MSH3: variants seen among roughly 807,000 people sequenced by gnomAD.
MSH3 encodes the protein DNA mismatch repair protein Msh3.
MSH3 carries 106 observed loss-of-function variants against 123.3 expected under a neutral mutation model. The observed-to-expected ratio is 0.86, with a 90% CI of 0.73 to 1.01. The LOEUF is 1.01. Among genes scored for constraint, MSH3 ranks in the 50% least tolerant of loss-of-function variants. The pLI, the probability that MSH3 is intolerant of heterozygous loss-of-function variation, is 0.00. For synonymous variants in MSH3, 515 were observed against 481.4 expected (o/e 1.07, Z -0.91); for missense variants, 1,459 against 1,347.6 (o/e 1.08, Z -1.29).
chr5:80,660,972 T>C (rs914802512), intron 2 of MSH3, among the ~76,000 whole-genome samples: 4 of 152,128 alleles, frequency 2.6e-5, no homozygotes, highest in African/African-American at 9.7e-5. Context: ...TTAATTTTTG[T>C]ATTTTTAATA....
At chr5:80,661,169 G>T (rs1351723399) in intron 2 of MSH3, among the ~76,000 whole-genome samples, 1 of 151,998 alleles carries the variant, frequency 6.6e-6, no homozygotes, top group Non-Finnish European at 1.5e-5. Context: ...AAAGCTTCTC[G>T]AGTCTGTGGG....
chr5:80,747,889 A>C (rs1479896030), intron 12 of MSH3, among the ~76,000 whole-genome samples: 1 of 152,176 alleles, frequency 6.6e-6, no homozygotes, highest in African/African-American at 2.4e-5. Context: ...TATGCTCTGT[A>C]ATGTCCACAG....
At chr5:80,729,915 G>A (rs1743381626) in intron 10 of MSH3, among the ~76,000 whole-genome samples, 1 of 152,120 alleles carries the variant, frequency 6.6e-6, no homozygotes. Context: ...ACAAGTGGGA[G>A]GGGAGATAGG....
At chr5:80,669,977 A>G (rs561918139) in intron 3 of MSH3, 120 bp from the exon 4 acceptor site, 3 of 915,942 alleles carry the variant, frequency 3.3e-6, no homozygotes, top group East Asian at 2.6e-5. Flanking sequence ...ATGTGCTTCT[A>G]TAAACTTTTC....
At chr5:80,859,634 T>C (rs973862386) in intron 21 of MSH3, among the ~76,000 whole-genome samples, 1 of 152,168 alleles carries the variant, frequency 6.6e-6, no homozygotes, top group African/African-American at 2.4e-5. Flanking sequence ...TCTTGTTCAT[T>C]GTTCCTACAT....
intron 8 of MSH3, among the ~76,000 whole-genome samples, chr5:80,690,161 C>T (rs1452092366): frequency 6.6e-6 from 1 of 152,124 alleles, no homozygotes; most frequent in Non-Finnish European, 1.5e-5. Flanking sequence ...TGAAGTGATG[C>T]TCTCACCTCA....
In MSH3 at chr5:80,658,035, C is replaced by CCT. The variant is rs369384745; in HGVS notation, c.358+1504_358+1505insCT. ...ATTTTTCCTAAGAATGCTTTTTGCC[C>CCT]TCTTTTTTTTTTTTTGAGATAGGGT... On this transcript the variant is annotated intron_variant, in intron 2 of 23. Transcript: ENST00000265081. 5.4e-4 allele frequency among the ~76,000 whole-genome samples: 47 copies of CCT among 87,214 alleles called. 7 individuals are homozygous for CCT. Among genetic ancestry groups the CCT allele is most frequent in the Non-Finnish European group, 6.7e-4 (30 of 45,016 alleles). 57.2% of individuals were successfully genotyped at this position (87,214 alleles called of 152,430 possible).
At chr5:80,824,709 T>C (rs188879622) in intron 20 of MSH3, among the ~76,000 whole-genome samples, 177 of 152,340 alleles carry the variant, frequency 1.2e-3, no homozygotes, top group Middle Eastern at 3.4e-3. Context: ...TTCACAAGTC[T>C]ACAAGTATAC....
At chr5:80,803,131 A>G in intron 19 of MSH3, among the ~76,000 whole-genome samples, 1 of 152,014 alleles carries the variant, frequency 6.6e-6, no homozygotes, top group Non-Finnish European at 1.5e-5. Context: ...TGTTAGTTCT[A>G]TTTTTACTTT....
chr5:80,817,507 G>A (rs553566396), intron 20 of MSH3, among the ~76,000 whole-genome samples: 1 of 152,138 alleles, frequency 6.6e-6, no homozygotes, highest in South Asian at 2.1e-4. Context: ...AGACTTGAAC[G>A]TACTTCAATG....
intron 8 of MSH3, among the ~76,000 whole-genome samples, chr5:80,702,607 G>A (rs764456727): frequency 6.6e-6 from 1 of 152,158 alleles, no homozygotes; most frequent in Non-Finnish European, 1.5e-5. Context: ...ACAGCTGTAT[G>A]CAAGAGATGG....
intron 20 of MSH3, among the ~76,000 whole-genome samples, chr5:80,819,466 G>GTGTA (rs773803699): frequency 0.037 from 5,328 of 145,718 alleles, 128 homozygotes; most frequent in Non-Finnish European, 0.057. Flanking sequence ...GTGTGTGTGT[G>GTGTA]TATATATATA....
chr5:80,811,933 C>T (rs368691772), intron 19 of MSH3, among the ~76,000 whole-genome samples: 2 of 151,858 alleles, frequency 1.3e-5, no homozygotes, highest in South Asian at 2.1e-4. Flanking sequence ...TTTTATGACA[C>T]GCTTATTTTT....
Position 80,665,341 on chromosome 5 carries a change from C to G in MSH3, c.557C>G (p.Ser186Trp), listed in dbSNP as rs750366331. The G allele has an allele frequency of 6.2e-7, 1 of 1,612,348 alleles. No individual in the cohort carries two copies. The highest frequency in any genetic ancestry group is 8.5e-7 in the Non-Finnish European group (1 of 1,179,670). ...HAKNAVSSED[S>W]KRQINQKDTT... is the part of the protein sequence containing the mutation. The stretch of plus-strand genomic sequence containing the variant: ...AAGAATGCAGTTTCTTCTGAAGATT[C>G]GAAACGTCAAATTAATCAAAAGGTA... The change falls in exon 3 of 24, where the codon TCG (serine) becomes TGG (tryptophan). Residue 186 changes from serine (S) to tryptophan (W), a missense_variant. Coordinates refer to ENST00000265081, the MANE Select transcript of MSH3 (RefSeq NM_002439.5).
Position 80,761,669 on chromosome 5 carries a change from T to C in MSH3, c.1887T>C (p.Tyr629=), listed in dbSNP as rs139201310. 488 of 1,614,098 alleles carry C rather than the reference T, an allele frequency of 3.0e-4. 3 individuals are homozygous for C. In the African/African-American group the frequency reaches 6.0e-3, roughly 20 times the overall value. Residue 629 remains tyrosine (Y), a synonymous_variant, in exon 13 of 24, where the codon TAT becomes TAC. Transcript: ENST00000265081. ...PDIERGLCSI[Y]HKKCSTQEFF... ...TAGAGAGGGGACTCTGTAGCATTTA[T>C]CACAAAAAAGTAAGTGTGATAGAAA...
chr5:80,720,153 C>T (rs958910396), intron 8 of MSH3, among the ~76,000 whole-genome samples: 7 of 152,064 alleles, frequency 4.6e-5, no homozygotes, highest in Non-Finnish European at 7.4e-5. Context: ...TAAAACATTG[C>T]GGTTAAAGTT....
intron 8 of MSH3, among the ~76,000 whole-genome samples, chr5:80,705,353 C>T (rs1006189646): frequency 1.3e-5 from 2 of 152,172 alleles, no homozygotes; most frequent in South Asian, 4.1e-4. Flanking sequence ...GCTAGAGCCG[C>T]TTGTAGCTGC....
At chr5:80,733,285 T>G (rs1335398683) in intron 10 of MSH3, among the ~76,000 whole-genome samples, 2 of 152,120 alleles carry the variant, frequency 1.3e-5, no homozygotes, top group Non-Finnish European at 2.9e-5. Context: ...TGCAAGAGAA[T>G]GAAGTTGGAC....
chr5:80,870,174 C>CAA (rs745491509), intron 22 of MSH3, among the ~76,000 whole-genome samples: 26,744 of 105,664 alleles, frequency 0.25, 3,637 homozygotes, highest in South Asian at 0.43. Context: ...AACTCCGTCT[C>CAA]AAAAAAAAAA....
Sources: gnomAD v4.1 joint callset for allele counts (sites outside exome capture counted in the v4.1 genomes callset) on GRCh38, gnomAD v4.1.1 for gene constraint, MANE v1.5 for transcripts, NCBI Gene and HGNC (gene_info 2026-07-23, HGNC 2026-07-21) for gene names.